KIF6: variants seen among roughly 807,000 people sequenced by gnomAD.
KIF6 encodes the protein kinesin-like protein KIF6.
Under a neutral mutation model 112.7 loss-of-function variants are expected in KIF6, and 106 were observed. That is an observed-to-expected ratio of 0.94 (90% CI 0.80 to 1.11). KIF6 has a LOEUF of 1.11. Ranked by LOEUF, KIF6 falls within the 50% of genes least tolerant of loss-of-function variation. KIF6 has a pLI of 0.00. For missense variants in KIF6, 929 were observed against 964.0 expected (o/e 0.96, Z 0.48); for synonymous variants, 339 against 339.9 (o/e 1.00, Z 0.03).
chr6:39,443,640 C>T (rs1278122978), intron 13 of KIF6, among the ~76,000 whole-genome samples: 1 of 152,012 alleles, frequency 6.6e-6, no homozygotes, highest in Non-Finnish European at 1.5e-5. Flanking sequence ...GATGGGGTTT[C>T]GCCATGTTGG....
chr6:39,476,605 T>G (rs1319762584), intron 13 of KIF6, among the ~76,000 whole-genome samples: 1 of 152,156 alleles, frequency 6.6e-6, no homozygotes, highest in African/African-American at 2.4e-5. Flanking sequence ...TTATTTTATC[T>G]CTCTTCCTGA....
At chr6:39,724,033 A>C (rs184930424) in intron 1 of KIF6, among the ~76,000 whole-genome samples, 1 of 152,358 alleles carries the variant, frequency 6.6e-6, no homozygotes, top group East Asian at 1.9e-4. Context: ...CCAACCTTGC[A>C]GGGTTCTTGT....
intron 20 of KIF6, among the ~76,000 whole-genome samples, chr6:39,346,121 CCCT>C (rs1763757303): frequency 4.2e-5 from 3 of 72,042 alleles, no homozygotes; most frequent in African/African-American, 2.5e-4. Context: ...CTCTCCCTCT[CCCT>C]CCCTCTCCCT....
rs17458832 is a variant in KIF6 at position 39,573,227 on chromosome 6, T to G, written c.1181+4829A>C. 2.0e-5 allele frequency among the ~76,000 whole-genome samples: 3 copies of G among 151,874 alleles called. No homozygotes were observed. The East Asian group carries it at 5.8e-4, about 30-fold the overall frequency. On this transcript the variant is annotated intron_variant, in intron 10 of 22. Transcript: ENST00000287152. ...CCCTCCTGCCTGTCTCCTGGAGAGT[T>G]TGGGCGCAATAAGAGGACTGAAGCT...
In KIF6 at chr6:39,605,306, G is replaced by A. The variant is rs1431709528; in HGVS notation, c.639+7883C>T. ...ATTTTTCATCTTTTAAATTGAGTTT[G>A]AATTTTTTTCTTTTTTCTCTTCCTA... On this transcript the variant is annotated intron_variant, in intron 6 of 22. Coordinates refer to ENST00000287152, the MANE Select transcript of KIF6 (RefSeq NM_145027.6). 2.6e-5 allele frequency among the ~76,000 whole-genome samples: 4 copies of A among 152,108 alleles called. No individual in the cohort carries two copies. The East Asian group carries it at 7.7e-4, about 29-fold the overall frequency.
At chr6:39,466,405 ACAAT>A (rs1773789761) in intron 13 of KIF6, among the ~76,000 whole-genome samples, 1 of 152,348 alleles carries the variant, frequency 6.6e-6, no homozygotes, top group Non-Finnish European at 1.5e-5. Flanking sequence ...CACCAGTGAC[ACAAT>A]CAAAGTCAGT....
chr6:39,362,806 T>C (rs1384729506), intron 16 of KIF6, among the ~76,000 whole-genome samples: 2 of 152,202 alleles, frequency 1.3e-5, no homozygotes, highest in Non-Finnish European at 2.9e-5. Context: ...TCATTTCCTG[T>C]TGAGTTTCCA....
At chr6:39,535,935 A>C (rs1778395287) in intron 13 of KIF6, among the ~76,000 whole-genome samples, 1 of 152,192 alleles carries the variant, frequency 6.6e-6, no homozygotes, top group Non-Finnish European at 1.5e-5. Context: ...AACTACATGG[A>C]AACTGAACAA....
intron 22 of KIF6, among the ~76,000 whole-genome samples, chr6:39,340,122 C>G (rs1309105112): frequency 6.6e-6 from 1 of 152,210 alleles, no homozygotes; most frequent in Admixed American, 6.5e-5. Context: ...TGAGAGGTCA[C>G]GCCTGCTGGC....
intron 15 of KIF6, among the ~76,000 whole-genome samples, chr6:39,394,431 TA>T (rs551309938): frequency 1.4e-4 from 21 of 152,206 alleles, no homozygotes; most frequent in African/African-American, 4.3e-4. Context: ...GCGACAGGGA[TA>T]GGGGAAATAA....
chr6:39,703,591 A>G (rs1312728678), intron 3 of KIF6, among the ~76,000 whole-genome samples: 1 of 152,210 alleles, frequency 6.6e-6, no homozygotes, highest in Non-Finnish European at 1.5e-5. Context: ...GAATTACACT[A>G]AAAATTCTGA....
chr6:39,646,314 GA>G (rs542125605), intron 3 of KIF6, among the ~76,000 whole-genome samples: 2 of 149,838 alleles, frequency 1.3e-5, no homozygotes, highest in Non-Finnish European at 3.0e-5. Context: ...CAGCATAGTT[GA>G]AAAAAAAAGA....
chr6:39,506,465 T>A (rs987649237), intron 13 of KIF6, among the ~76,000 whole-genome samples: 5 of 152,008 alleles, frequency 3.3e-5, no homozygotes, highest in African/African-American at 1.2e-4. Flanking sequence ...CATGGCACAC[T>A]TATGTAATAA....
chr6:39,721,842 T>A (rs559787343), intron 1 of KIF6, among the ~76,000 whole-genome samples: 2 of 151,782 alleles, frequency 1.3e-5, no homozygotes, highest in Non-Finnish European at 2.9e-5. Flanking sequence ...TTCTTGTCTT[T>A]TACCATGAAA....
intron 10 of KIF6, among the ~76,000 whole-genome samples, chr6:39,561,465 C>T (rs1780005023): frequency 6.6e-6 from 1 of 151,884 alleles, no homozygotes; most frequent in African/African-American, 2.4e-5. Context: ...GATTCTCCTG[C>T]CTAAGCATCT....
chr6:39,455,043 C>T (rs1772971739), intron 13 of KIF6, among the ~76,000 whole-genome samples: 3 of 149,800 alleles, frequency 2.0e-5, no homozygotes, highest in African/African-American at 4.9e-5. Context: ...CTGCCTGCCT[C>T]TGTAGGCTCC....
At chr6:39,520,739 A>G (rs1777347055) in intron 13 of KIF6, among the ~76,000 whole-genome samples, 1 of 152,230 alleles carries the variant, frequency 6.6e-6, no homozygotes, top group South Asian at 2.1e-4. Context: ...GTTCCAATCA[A>G]AAGACAAACT....
At chr6:39,470,345 T>C (rs1196318483) in intron 13 of KIF6, among the ~76,000 whole-genome samples, 1 of 152,192 alleles carries the variant, frequency 6.6e-6, no homozygotes, top group Non-Finnish European at 1.5e-5. Context: ...TGTGATTAAG[T>C]GCAACTCAAA....
chr6:39,536,649 G>T (rs1396361705), intron 13 of KIF6, among the ~76,000 whole-genome samples: 3 of 151,748 alleles, frequency 2.0e-5, no homozygotes, highest in Admixed American at 6.6e-5. Flanking sequence ...AGGAGTAACT[G>T]GTACCATTCC....
Sources: allele counts gnomAD v4.1 joint callset (sites outside exome capture counted in the v4.1 genomes callset), GRCh38; gene constraint gnomAD v4.1.1; transcripts MANE v1.5; gene names NCBI Gene and HGNC (gene_info 2026-07-23, HGNC 2026-07-21).